The following CFAP299 variants were observed in gnomAD, a reference collection of about 807,000 sequenced individuals.
CFAP299 encodes cilia and flagella associated protein 299, also known as cilia- and flagella-associated protein 299.
Under a neutral mutation model 27.0 loss-of-function variants are expected in CFAP299, and 21 were observed. The observed-to-expected ratio is 0.78, with a 90% CI of 0.55 to 1.12. The LOEUF (loss-of-function observed/expected upper bound fraction) is 1.12, where lower values mean the gene tolerates loss of function less well. Among genes scored for constraint, CFAP299 ranks in the 50% most tolerant of loss-of-function variants. The pLI, the probability that CFAP299 is intolerant of heterozygous loss-of-function variation, is 0.00. For missense variants in CFAP299, 310 were observed against 276.6 expected, an observed-to-expected ratio of 1.12 and a Z score of -0.86; for synonymous variants, 104 against 98.1, an observed-to-expected ratio of 1.06 and a Z score of -0.36.
intron 3 of CFAP299, among the ~76,000 whole-genome samples, chr4:80,726,204 G>T (rs564002725): frequency 6.6e-6 from 1 of 151,998 alleles, no homozygotes; most frequent in Non-Finnish European, 1.5e-5. Flanking sequence ...AAAGAGTAAA[G>T]GTAAATGAGT....
chr4:80,596,070 G>GA (rs1415476621), intron 3 of CFAP299, among the ~76,000 whole-genome samples: 1 of 152,080 alleles, frequency 6.6e-6, no homozygotes, highest in African/African-American at 2.4e-5. Context: ...GGAGTCCAAA[G>GA]AGGGAAAGAG....
rs568789076 is a variant in CFAP299 at position 80,774,741 on chromosome 4, C to A, written c.334-95252C>A. Among the ~76,000 whole-genome samples the A allele has an allele frequency of 1.1e-4, 16 of 152,046 alleles. No individual in the cohort carries two copies. In the East Asian group the frequency reaches 1.7e-3, roughly 17 times the overall value. On this transcript the variant is annotated intron_variant, in intron 3 of 5. Coordinates refer to ENST00000358105, the MANE Select transcript of CFAP299 (RefSeq NM_152770.3). Reference sequence around the variant, plus strand: ...TCAGCATTCACATACATGGATGATGCCATTGCAGAAAACTCTCATGCAGAT... The same window carrying A: ...TCAGCATTCACATACATGGATGATGACATTGCAGAAAACTCTCATGCAGAT...
chr4:80,461,478 G>C (rs779514021), intron 2 of CFAP299, among the ~76,000 whole-genome samples: 2 of 152,158 alleles, frequency 1.3e-5, no homozygotes, highest in Non-Finnish European at 2.9e-5. Flanking sequence ...CCTGCTGTCT[G>C]TCATGTTGGT....
intron 2 of CFAP299, among the ~76,000 whole-genome samples, chr4:80,538,148 TGTAA>T (rs1242893038): frequency 6.6e-6 from 1 of 152,114 alleles, no homozygotes; most frequent in Non-Finnish European, 1.5e-5. Flanking sequence ...CTCAGGTGTC[TGTAA>T]GTAAGTTTGT....
chr4:80,911,121 A>G (rs959655196), intron 4 of CFAP299, among the ~76,000 whole-genome samples: 2 of 151,960 alleles, frequency 1.3e-5, no homozygotes, highest in Admixed American at 1.3e-4. Context: ...CAAAGTATTT[A>G]AATAAAATAA....
At chr4:80,640,199 A>G (rs1739655337) in intron 3 of CFAP299, among the ~76,000 whole-genome samples, 1 of 152,198 alleles carries the variant, frequency 6.6e-6, no homozygotes, top group Non-Finnish European at 1.5e-5. Context: ...GTGACTGCCC[A>G]GGAGTTATGG....
chr4:80,425,734 C>T (rs934767958), intron 2 of CFAP299, among the ~76,000 whole-genome samples: 11 of 152,140 alleles, frequency 7.2e-5, no homozygotes, highest in African/African-American at 2.7e-4. Context: ...TCACATGTTG[C>T]CTTGTTACAT....
At chr4:80,617,055 G>A (rs759020948) in intron 3 of CFAP299, among the ~76,000 whole-genome samples, 1 of 151,916 alleles carries the variant, frequency 6.6e-6, no homozygotes, top group East Asian at 1.9e-4. Flanking sequence ...ACGGAAATAG[G>A]ATTTTAAAGA....
chr4:80,706,162 A>G (rs1721806142), intron 3 of CFAP299, among the ~76,000 whole-genome samples: 1 of 151,770 alleles, frequency 6.6e-6, no homozygotes, highest in African/African-American at 2.4e-5. Flanking sequence ...CGACAATTTG[A>G]CTTCAAATGT....
At chr4:80,777,231 T>G (rs1726600112) in intron 3 of CFAP299, among the ~76,000 whole-genome samples, 1 of 152,154 alleles carries the variant, frequency 6.6e-6, no homozygotes, top group African/African-American at 2.4e-5. Flanking sequence ...TTATCCTCTT[T>G]GAAAGTCAAA....
intron 2 of CFAP299, among the ~76,000 whole-genome samples, chr4:80,370,417 A>G (rs1199828994): frequency 1.3e-5 from 2 of 152,096 alleles, no homozygotes; most frequent in East Asian, 3.8e-4. Flanking sequence ...CAGTCCCCCA[A>G]AGTCTTAACT....
Position 80,869,981 on chromosome 4 carries a change from C to G in CFAP299, c.334-12C>G, listed in dbSNP as rs1254061551. The G allele has an allele frequency of 6.3e-7, 1 of 1,597,588 alleles. No homozygotes were observed. The highest frequency in any genetic ancestry group is 1.1e-5 in the South Asian group (1 of 88,096). ...TTATATTTTTGTCTTATTCTCTATT[C>G]TGTGCTACCAGTCCGTGATCTTTAT... is the stretch of plus-strand genomic sequence containing the variant. On this transcript the variant is annotated splice_polypyrimidine_tract_variant and intron_variant, in intron 3 of 5. Transcript: ENST00000358105.
intron 4 of CFAP299, among the ~76,000 whole-genome samples, chr4:80,922,501 C>A (rs966446457): frequency 6.6e-6 from 1 of 151,966 alleles, no homozygotes; most frequent in African/African-American, 2.4e-5. Flanking sequence ...ACCTCAAGGA[C>A]AGTCTGTTTT....
At chr4:80,486,347 TGAG>T (rs1415587212) in intron 2 of CFAP299, among the ~76,000 whole-genome samples, 7 of 152,174 alleles carry the variant, frequency 4.6e-5, no homozygotes, top group South Asian at 2.1e-4. Context: ...AACATGCTTC[TGAG>T]ATGCAGATTC....
chr4:80,323,835 G>T, the CFAP299 span, among the ~76,000 whole-genome samples: 1 of 152,080 alleles, frequency 6.6e-6, no homozygotes, highest in African/African-American at 2.4e-5. Flanking sequence ...ATTTCCATCT[G>T]TGTATCAATA....
chr4:80,321,385 G>A, the CFAP299 span, among the ~76,000 whole-genome samples: 2 of 152,060 alleles, frequency 1.3e-5, no homozygotes, highest in Non-Finnish European at 2.9e-5. Flanking sequence ...TTGCTCAGAG[G>A]GCATTTATAA....
intron 2 of CFAP299, among the ~76,000 whole-genome samples, chr4:80,557,440 G>T (rs1734833041): frequency 1.3e-5 from 2 of 152,042 alleles, no homozygotes; most frequent in Admixed American, 1.3e-4. Context: ...TAACTTAACA[G>T]TACAAGCATT....
At chr4:80,684,991 T>C (rs1720093263) in intron 3 of CFAP299, among the ~76,000 whole-genome samples, 1 of 152,190 alleles carries the variant, frequency 6.6e-6, no homozygotes, top group African/African-American at 2.4e-5. Context: ...TACAATAATG[T>C]ATGTATTATT....
intron 3 of CFAP299, among the ~76,000 whole-genome samples, chr4:80,836,763 G>A (rs540584346): frequency 2.6e-4 from 39 of 152,186 alleles, no homozygotes; most frequent in African/African-American, 9.2e-4. Context: ...GATTCTGCCT[G>A]CTACATAGTT....
Sources: gnomAD v4.1 joint callset for allele counts (sites outside exome capture counted in the v4.1 genomes callset) on GRCh38, gnomAD v4.1.1 for gene constraint, MANE v1.5 for transcripts, NCBI Gene and HGNC (gene_info 2026-07-23, HGNC 2026-07-21) for gene names.